The following TCF12 variants were observed in gnomAD, a reference collection of about 807,000 sequenced individuals.
TCF12 encodes the protein transcription factor 12, also known as DNA-binding protein HTF4.
Under a neutral mutation model 86.0 loss-of-function variants are expected in TCF12, and 45 were observed. The observed-to-expected ratio is 0.52, with a 90% CI of 0.41 to 0.67. The LOEUF is 0.67. TCF12 is among the 30% of genes least tolerant of loss of function. The pLI is 0.00. For missense variants in TCF12, 881 were observed against 859.9 expected (o/e 1.02, Z -0.31); for synonymous variants, 330 against 299.6 (o/e 1.10, Z -1.05).
chr15:57,253,499 A>G (rs754477064), intron 16 of TCF12, 31 bp downstream of exon 16: 1 of 1,607,868 alleles, frequency 6.2e-7, no homozygotes, highest in Non-Finnish European at 8.5e-7. Context: ...TTTGTAGTAA[A>G]CCCTAAAGAT....
At chr15:57,281,328 C>T (rs2061676792) in intron 19 of TCF12, among the ~76,000 whole-genome samples, 1 of 152,156 alleles carries the variant, frequency 6.6e-6, no homozygotes, top group Non-Finnish European at 1.5e-5. Flanking sequence ...TTTAATAACA[C>T]CTCCAGCAAT....
intron 7 of TCF12, among the ~76,000 whole-genome samples, chr15:57,193,670 A>T (rs2057100466): frequency 6.6e-6 from 1 of 152,242 alleles, no homozygotes; most frequent in African/African-American, 2.4e-5. Flanking sequence ...TTTATTGCAC[A>T]GGCATTTGAT....
At position 56,971,889 on chromosome 15, in the gene TCF12, A is replaced by G. The variant is rs533824070; in HGVS notation, c.148+50791A>G. 3.3e-5 allele frequency among the ~76,000 whole-genome samples: 5 copies of G among 152,286 alleles called. No homozygotes were observed. In the East Asian group the frequency reaches 7.7e-4, roughly 24 times the overall value. The stretch of plus-strand genomic sequence containing the variant: ...ACAGAAAGTAGATTAGTGGTTACCT[A>G]GAGTTGGGTAGCGGGAGTAGATGGA... On this transcript the variant is annotated intron_variant, in intron 3 of 20. Coordinates refer to ENST00000333725, the MANE Select transcript of TCF12 (RefSeq NM_207037.2).
At chr15:56,953,129 C>T (rs974213674) in intron 3 of TCF12, among the ~76,000 whole-genome samples, 2 of 151,940 alleles carry the variant, frequency 1.3e-5, no homozygotes, top group Admixed American at 6.6e-5. Context: ...TTTGTTAATT[C>T]GTTAGTATGG....
At chr15:57,188,002 A>G (rs1346460321) in intron 6 of TCF12, among the ~76,000 whole-genome samples, 1 of 152,070 alleles carries the variant, frequency 6.6e-6, no homozygotes, top group African/African-American at 2.4e-5. Flanking sequence ...CCAAATTGTA[A>G]AAGAAGTAAA....
chr15:56,964,390 C>T (rs2061908371), intron 3 of TCF12, among the ~76,000 whole-genome samples: 1 of 152,164 alleles, frequency 6.6e-6, no homozygotes, highest in Non-Finnish European at 1.5e-5. Flanking sequence ...TTTCAAGATC[C>T]TTATCTTACC....
At chr15:57,119,187 A>C (rs2051050055) in intron 5 of TCF12, among the ~76,000 whole-genome samples, 2 of 151,960 alleles carry the variant, frequency 1.3e-5, no homozygotes, top group Admixed American at 1.3e-4. Context: ...CCACCTCCCC[A>C]GTTCAAGTGA....
In TCF12 at chr15:57,232,427, C is replaced by T. The variant is rs1393674713; in HGVS notation, c.822C>T (p.Arg274=). Residue 274 remains arginine (R), a synonymous_variant, in exon 10 of 21, where the codon CGC becomes CGT. Transcript: ENST00000333725. ...SSYGNLHSHD[R]LSYPPHSVSP... is the part of the protein sequence containing the mutation. Reference sequence around the variant, plus strand: ...ATGGCAACCTTCATTCACATGACCGCTTGGTAGGCTATAACACGTGACTAG... The same window carrying T: ...ATGGCAACCTTCATTCACATGACCGTTTGGTAGGCTATAACACGTGACTAG... 1 of 1,603,972 alleles carries T rather than the reference C, an allele frequency of 6.2e-7. No homozygotes were observed. The highest frequency in any genetic ancestry group is 8.5e-7 in the Non-Finnish European group (1 of 1,176,902).
At chr15:56,947,672 A>G (rs2061070492) in intron 3 of TCF12, among the ~76,000 whole-genome samples, 1 of 152,176 alleles carries the variant, frequency 6.6e-6, no homozygotes, top group South Asian at 2.1e-4. Flanking sequence ...AGGTTTATCT[A>G]GTCCCAATTA....
At chr15:56,933,612 G>A (rs1193363433) in intron 3 of TCF12, among the ~76,000 whole-genome samples, 1 of 152,134 alleles carries the variant, frequency 6.6e-6, no homozygotes, top group East Asian at 1.9e-4. Flanking sequence ...TCTAAGATGA[G>A]GACAATAAAA....
chr15:57,066,903 T>G (rs1349317794), intron 4 of TCF12, among the ~76,000 whole-genome samples: 1 of 152,218 alleles, frequency 6.6e-6, no homozygotes, highest in East Asian at 1.9e-4. Context: ...CAAGGGAAAT[T>G]TTTGCTATGT....
intron 3 of TCF12, among the ~76,000 whole-genome samples, chr15:57,014,862 T>TTTA (rs139828642): frequency 0.039 from 5,609 of 145,346 alleles, 336 homozygotes; most frequent in African/African-American, 0.13. Context: ...TCTCTGGACC[T>TTTA]TTATTATTAT....
chr15:57,075,209 A>G (rs997951862), intron 4 of TCF12, among the ~76,000 whole-genome samples: 2 of 152,162 alleles, frequency 1.3e-5, no homozygotes, highest in African/African-American at 4.8e-5. Context: ...ATACTGTTGC[A>G]TCTTATTGAG....
At chr15:57,219,520 A>G (rs1208479950) in intron 8 of TCF12, 5 of 1,611,450 alleles carry the variant, frequency 3.1e-6, no homozygotes, top group East Asian at 4.5e-5. Flanking sequence ...TTCAAAATCA[A>G]CATGTATTGT....
At chr15:57,263,417 T>A in intron 18 of TCF12, 143 bp downstream of exon 18, 1 of 793,388 alleles carries the variant, frequency 1.3e-6, no homozygotes, top group Non-Finnish European at 1.9e-6. Flanking sequence ...TCTCATTTAA[T>A]CACCACATCA....
chr15:57,146,554 C>G (rs1160955270), intron 5 of TCF12, among the ~76,000 whole-genome samples: 3 of 151,916 alleles, frequency 2.0e-5, no homozygotes, highest in Non-Finnish European at 4.4e-5. Flanking sequence ...AAATGAATAC[C>G]GGATTTAGTC....
intron 5 of TCF12, among the ~76,000 whole-genome samples, chr15:57,151,763 C>G (rs1429163450): frequency 2.8e-5 from 1 of 35,134 alleles, no homozygotes; most frequent in African/African-American, 1.1e-4. Context: ...CAATGAGACT[C>G]TGTCTCAAAA....
chr15:57,253,126 G>C, intron 15 of TCF12, 136 bp from the exon 16 acceptor site: 1 of 819,812 alleles, frequency 1.2e-6, no homozygotes, highest in African/African-American at 1.7e-5. Context: ...TTATAGTTCA[G>C]GTGGTTGCTT....
intron 3 of TCF12, among the ~76,000 whole-genome samples, chr15:56,985,168 C>G (rs943883837): frequency 6.6e-6 from 1 of 152,156 alleles, no homozygotes; most frequent in Non-Finnish European, 1.5e-5. Flanking sequence ...AGTGCTTCTA[C>G]AATGCTTTTT....
Sources: gnomAD v4.1 joint callset for allele counts (sites outside exome capture counted in the v4.1 genomes callset) on GRCh38, gnomAD v4.1.1 for gene constraint, MANE v1.5 for transcripts, NCBI Gene and HGNC (gene_info 2026-07-23, HGNC 2026-07-21) for gene names.